Variants in FOXH1 observed in about 807,000 individuals in gnomAD.
The protein encoded by FOXH1 is forkhead box H1.
FOXH1 carries 10 observed loss-of-function variants against 14.2 expected under a neutral mutation model. The observed-to-expected ratio is 0.70, with a 90% CI of 0.43 to 1.19. The LOEUF (loss-of-function observed/expected upper bound fraction) is 1.19. Ranked by LOEUF, FOXH1 falls within the 50% of genes most tolerant of loss-of-function variation. The pLI, the probability that FOXH1 is intolerant of heterozygous loss-of-function variation, is 0.00. For missense variants in FOXH1, 643 were observed against 492.1 expected, an observed-to-expected ratio of 1.31 and a Z score of -2.90; for synonymous variants, 273 against 209.5, an observed-to-expected ratio of 1.30 and a Z score of -2.62.
Position 144,473,893 on chromosome 8 carries a change from C to G in FOXH1, c.*345G>C. On this transcript the variant is annotated 3_prime_UTR_variant, in exon 3 of 3. Coordinates refer to ENST00000377317, the MANE Select transcript of FOXH1 (RefSeq NM_003923.3). ...GGCTGGATCCACCACTGGGCTCTCC[C>G]TCCCCCAGCCTGGAGCACGGGAGGG... 1 of 420,204 alleles carries G rather than the reference C, an allele frequency of 2.4e-6. No homozygotes were observed. 26.0% of individuals were successfully genotyped at this position (420,204 alleles called of 1,614,324 possible).
Position 144,474,764 on chromosome 8 carries a change from G to A in FOXH1, c.572C>T (p.Pro191Leu), listed in dbSNP as rs1270394786. ...PWPGLAPQSS[P>L]VPAGTGNSGE... ...ACTGTTCCCTGTGCCTGCAGGAACTGGGCTGCTCTGTGGAGCTAGCCCCGG... is the reference window on the plus strand; with the variant it reads ...ACTGTTCCCTGTGCCTGCAGGAACTAGGCTGCTCTGTGGAGCTAGCCCCGG... The change falls in exon 3 of 3, where the codon CCA (proline) becomes CTA (leucine). Residue 191 changes from proline (P) to leucine (L), a missense_variant. Pro to Leu is a moderately conservative substitution (Grantham distance 98). Transcript: ENST00000377317. The A allele has an allele frequency of 4.4e-6, 7 of 1,589,132 alleles. No homozygotes were observed. The Admixed American group carries it at 1.2e-4, about 28-fold the overall frequency.
Position 144,474,163 on chromosome 8 carries a change from C to G in FOXH1, c.*75G>C, listed in dbSNP as rs1586727025. ...TCGAGGCTGCTGTGGTCGCAGACAG[C>G]CGCCTCGCCTTGGCTCCCTGTCAAC... On this transcript the variant is annotated 3_prime_UTR_variant, in exon 3 of 3. Transcript: ENST00000377317. The G allele has an allele frequency of 8.3e-7, 1 of 1,197,752 alleles. No individual in the cohort carries two copies. The highest frequency in any genetic ancestry group is 2.5e-5 in the East Asian group (1 of 39,868). The allele number at this position is 1,197,752 out of a possible 1,614,324, so 74.2% of individuals were successfully genotyped here. A position where few individuals can be genotyped will look rare whatever the true frequency, so the allele number is the denominator to read the frequency against.
rs1049987318 is a variant in FOXH1, at chr8:144,474,840, C to T, written c.496G>A (p.Gly166Ser). 2.5e-6 allele frequency: 4 copies of T among 1,611,802 alleles called. No homozygotes were observed. The highest frequency in any genetic ancestry group is 2.7e-5 in the African/African-American group (2 of 74,930). Residue 166 changes from glycine (G) to serine (S), a missense_variant, in exon 3 of 3, where the codon GGC (glycine) becomes AGC (serine). Transcript: ENST00000377317. The stretch of plus-strand genomic sequence containing the variant: ...CCTAGCAGGGACTTGATGCTGAAGC[C>T]CTCACTGGGTGGTGGCGGGGGACTG... The part of the protein sequence containing the change: ...PPSPPPPPSE[G>S]FSIKSLLGGS...
chr8:144,474,261 G>A lies in FOXH1; in HGVS notation c.1075C>T (p.Leu359=). ...CCTCACAGGCTGCACCAGGAGAGCA[G>A]CCAGCCTGGGCCAGGGGCCGCCAGG... ...RDLAAPGPGW[L]LSWCSL Residue 359 remains leucine (L), a synonymous_variant, in exon 3 of 3, where the codon CTG becomes TTG. Transcript: ENST00000377317. The A allele has an allele frequency of 6.3e-7, 1 of 1,587,818 alleles. No homozygotes were observed. Among genetic ancestry groups the A allele is most frequent in the African/African-American group, 1.3e-5 (1 of 74,494 alleles).
At position 144,475,500 on chromosome 8, in the gene FOXH1, G is replaced by A. The variant is rs1010765690; in HGVS notation, c.174+83C>T. 50 of 1,138,530 alleles carry A rather than the reference G, an allele frequency of 4.4e-5. No homozygotes were observed. The East Asian group carries it at 1.3e-3, about 29-fold the overall frequency. The allele number at this position is 1,138,530 out of a possible 1,614,324, so 70.5% of individuals were successfully genotyped here. A position where few individuals can be genotyped will look rare whatever the true frequency, so the allele number is the denominator to read the frequency against. On this transcript the variant is annotated intron_variant, in intron 1 of 2. Transcript: ENST00000377317. ...CTGGCATACCTGGGTGGGCTAGGAAGGGGTGGGGGTCAGGGCTTGAACCTG... is the reference window on the plus strand; with the variant it reads ...CTGGCATACCTGGGTGGGCTAGGAAAGGGTGGGGGTCAGGGCTTGAACCTG...
At position 144,474,896 on chromosome 8, in the gene FOXH1, T is replaced by G; in HGVS notation, c.440A>C (p.Tyr147Ser). Residue 147 changes from tyrosine (Y) to serine (S), a missense_variant, in exon 3 of 3, where the codon TAC becomes TCC. By Grantham distance (144) the Tyr-to-Ser change is moderately radical. Coordinates refer to ENST00000377317, the MANE Select transcript of FOXH1 (RefSeq NM_003923.3). ...RGAFAKDLGPYVLHGRPYRPP... is the reference protein window; with the variant it reads ...RGAFAKDLGPSVLHGRPYRPP... The stretch of plus-strand genomic sequence containing the variant: ...CCGGTATGGCCGGCCGTGCAGCACG[T>G]AGGGGCCCAGGTCCTTGGCGAAGGC... 6.2e-7 allele frequency: 1 copy of G among 1,610,346 alleles called. No individual in the cohort carries two copies. Among genetic ancestry groups the G allele is most frequent in the South Asian group, 1.1e-5 (1 of 90,984 alleles).
rs1200282408 is a variant in FOXH1 at position 144,474,041 on chromosome 8, C to G, written c.*197G>C. On this transcript the variant is annotated 3_prime_UTR_variant, in exon 3 of 3. Transcript: ENST00000377317. Reference sequence around the variant, plus strand: ...CTGAGTGTAGGAAAAACAGGCATGACAGACCAGGGTGAGGGTTGTGCCCAG... The same window carrying G: ...CTGAGTGTAGGAAAAACAGGCATGAGAGACCAGGGTGAGGGTTGTGCCCAG... The G allele has an allele frequency of 1.2e-5, 7 of 589,816 alleles. No individual in the cohort carries two copies. The highest frequency in any genetic ancestry group is 1.8e-5 in the Non-Finnish European group (6 of 333,516). The allele number at this position is 589,816 out of a possible 1,614,324, so 36.5% of individuals were successfully genotyped here. A position where few individuals can be genotyped will look rare whatever the true frequency, so the allele number is the denominator to read the frequency against.
In FOXH1 at chr8:144,473,732, T is replaced by G; in HGVS notation, c.*506A>C. The stretch of plus-strand genomic sequence containing the variant: ...CCTGACCCAAAAATCAGGCATGGCA[T>G]TAAAACGTTGCAAATTCCTTTACTG... On this transcript the variant is annotated 3_prime_UTR_variant, in exon 3 of 3. Transcript: ENST00000377317. The G allele has an allele frequency of 2.3e-6, 1 of 441,682 alleles. No homozygotes were observed. The highest frequency in any genetic ancestry group is 3.8e-5 in the East Asian group (1 of 26,056). The allele number at this position is 441,682 out of a possible 1,614,324, so 27.4% of individuals were successfully genotyped here.
At position 144,475,166 on chromosome 8, in the gene FOXH1, G is replaced by A. The variant is rs780480390; in HGVS notation, c.270C>T (p.Cys90=). 3.7e-6 allele frequency: 6 copies of A among 1,613,310 alleles called. No individual in the cohort carries two copies. The African/African-American group carries it at 4.0e-5, about 11-fold the overall frequency. The stretch of plus-strand genomic sequence containing the variant: ...CCCTGGCCTGCCCCACCTTGCGGAA[G>A]CATCGGTTGGAGGAAAGGTTGTGGC... ...SIRHNLSSNR[C]FRKVPKDPAK... is the part of the protein sequence containing the mutation. The change falls in exon 2 of 3, where the codon TGC becomes TGT. Residue 90 remains cysteine (C), a synonymous_variant. Transcript: ENST00000377317.
Position 144,474,150 on chromosome 8 carries a change from T to C in FOXH1, c.*88A>G, listed in dbSNP as rs1024459830. On this transcript the variant is annotated 3_prime_UTR_variant, in exon 3 of 3. Transcript: ENST00000377317. Reference sequence around the variant, plus strand: ...GCTGCCTGGTGTTTCGAGGCTGCTGTGGTCGCAGACAGCCGCCTCGCCTTG... The same window carrying C: ...GCTGCCTGGTGTTTCGAGGCTGCTGCGGTCGCAGACAGCCGCCTCGCCTTG... 1.3e-4 allele frequency: 134 copies of C among 1,027,104 alleles called. No homozygotes were observed. Among genetic ancestry groups the C allele is most frequent in the Non-Finnish European group, 1.8e-4 (126 of 715,698 alleles). The allele number at this position is 1,027,104 out of a possible 1,614,324, so 63.6% of individuals were successfully genotyped here.
Position 144,474,663 on chromosome 8 carries a change from G to A in FOXH1, c.673C>T (p.Pro225Ser), listed in dbSNP as rs774234990. 2 of 1,551,668 alleles carry A rather than the reference G, an allele frequency of 1.3e-6. No individual in the cohort carries two copies. Among genetic ancestry groups the A allele is most frequent in the East Asian group, 2.3e-5 (1 of 43,382 alleles). ...ACAGTCTCCCCCTCCACTCTCGTGGGGCCAGGAAGGGGGCAGAGGGGCCAC... is the reference window on the plus strand; with the variant it reads ...ACAGTCTCCCCCTCCACTCTCGTGGAGCCAGGAAGGGGGCAGAGGGGCCAC... ...PLWPLCPLPGPTRVEGETVQG... is the reference protein window; with the variant it reads ...PLWPLCPLPGSTRVEGETVQG... Residue 225 changes from proline to serine, a missense_variant, in exon 3 of 3, where the codon CCC (proline) becomes TCC (serine). Transcript: ENST00000377317.
In FOXH1 at chr8:144,475,204, T is replaced by G. The variant is rs143221196; in HGVS notation, c.232A>C (p.Lys78Gln). The change falls in exon 2 of 3, where the codon AAA becomes CAA. Residue 78 changes from lysine (K) to glutamine (Q), a missense_variant. Coordinates refer to ENST00000377317, the MANE Select transcript of FOXH1 (RefSeq NM_003923.3). ...PFFREDYEGW[K>Q]DSIRHNLSSN... is the part of the protein sequence containing the mutation. Reference sequence around the variant, plus strand: ...GAAAGGTTGTGGCGAATGGAGTCTTTCCAGCCCTCGTAGTCTTCCCTGAAG... The same window carrying G: ...GAAAGGTTGTGGCGAATGGAGTCTTGCCAGCCCTCGTAGTCTTCCCTGAAG... 6.2e-7 allele frequency: 1 copy of G among 1,613,614 alleles called. No homozygotes were observed. Among genetic ancestry groups the G allele is most frequent in the South Asian group, 1.1e-5 (1 of 91,074 alleles).
In FOXH1 at chr8:144,475,061, G is replaced by T. The variant is rs552607610; in HGVS notation, c.280-5C>A. 1.2e-6 allele frequency: 2 copies of T among 1,600,608 alleles called. No individual in the cohort carries two copies. The highest frequency in any genetic ancestry group is 1.3e-5 in the African/African-American group (1 of 74,816). On this transcript the variant is annotated splice_polypyrimidine_tract_variant and splice_region_variant and intron_variant, in intron 2 of 2. Coordinates refer to ENST00000377317, the MANE Select transcript of FOXH1 (RefSeq NM_003923.3). ...CTTTGCAGGGTCCTTGGGCACCTGG[G>T]TGTGGGGGTCAGACATGGGTGGGGC...
intron 1 of FOXH1, 70 bp from the exon 2 acceptor site, chr8:144,475,331 C>G: frequency 7.5e-7 from 1 of 1,325,062 alleles, no homozygotes; most frequent in Non-Finnish European, 1.1e-6. Flanking sequence ...TACCCCTCCC[C>G]CACTACCGGG....
Position 144,474,215 on chromosome 8 carries a change from G to T in FOXH1, c.*23C>A. ...AGGTGGGGGTGGGAGCGGGAGGGAG[G>T]AGTGGCCCCTGTCTTAAGAGCCTCA... is the stretch of plus-strand genomic sequence containing the variant. On this transcript the variant is annotated 3_prime_UTR_variant, in exon 3 of 3. Transcript: ENST00000377317. The T allele has an allele frequency of 6.6e-7, 1 of 1,517,750 alleles. No homozygotes were observed. Among genetic ancestry groups the T allele is most frequent in the South Asian group, 1.3e-5 (1 of 77,290 alleles). The allele number at this position is 1,517,750 out of a possible 1,614,324, so 94.0% of individuals were successfully genotyped here. A position where few individuals can be genotyped will look rare whatever the true frequency, so the allele number is the denominator to read the frequency against.
chr8:144,475,126 G>A (rs1294260182), intron 2 of FOXH1, 31 bp downstream of exon 2: 20 of 1,608,876 alleles, frequency 1.2e-5, no homozygotes, highest in Non-Finnish European at 1.7e-5. Context: ...CGCGCGCTCC[G>A]CCCCCGGGCT....
rs926270610 is a variant in FOXH1 at position 144,474,845 on chromosome 8, C to G, written c.491G>C (p.Ser164Thr). 2 of 1,611,934 alleles carry G rather than the reference C, an allele frequency of 1.2e-6. No individual in the cohort carries two copies. The highest frequency in any genetic ancestry group is 8.5e-7 in the Non-Finnish European group (1 of 1,179,726). ...CAGGGACTTGATGCTGAAGCCCTCACTGGGTGGTGGCGGGGGACTGGGCGG... is the reference window on the plus strand; with the variant it reads ...CAGGGACTTGATGCTGAAGCCCTCAGTGGGTGGTGGCGGGGGACTGGGCGG... ...YRPPSPPPPP[S>T]EGFSIKSLLG... The change falls in exon 3 of 3, where the codon AGT becomes ACT. Residue 164 changes from serine to threonine, a missense_variant. Coordinates refer to ENST00000377317, the MANE Select transcript of FOXH1 (RefSeq NM_003923.3).
At position 144,474,051 on chromosome 8, in the gene FOXH1, T is replaced by G. The variant is rs1299952520; in HGVS notation, c.*187A>C. The G allele has an allele frequency of 5.1e-6, 3 of 593,318 alleles. No individual in the cohort carries two copies. The highest frequency in any genetic ancestry group is 3.7e-5 in the African/African-American group (2 of 53,738). 36.8% of individuals were successfully genotyped at this position (593,318 alleles called of 1,614,324 possible). A position where few individuals can be genotyped will look rare whatever the true frequency, so the allele number is the denominator to read the frequency against. ...GAAAAACAGGCATGACAGACCAGGG[T>G]GAGGGTTGTGCCCAGCTGGGCCACG... On this transcript the variant is annotated 3_prime_UTR_variant, in exon 3 of 3. Transcript: ENST00000377317.
chr8:144,475,833 G>T lies in FOXH1; in HGVS notation c.-77C>A. 1 of 1,050,612 alleles carries T rather than the reference G, an allele frequency of 9.5e-7. No homozygotes were observed. Among genetic ancestry groups the T allele is most frequent in the Non-Finnish European group, 1.2e-6 (1 of 817,690 alleles). The allele number at this position is 1,050,612 out of a possible 1,614,324, so 65.1% of individuals were successfully genotyped here. A position where few individuals can be genotyped will look rare whatever the true frequency, so the allele number is the denominator to read the frequency against. On this transcript the variant is annotated 5_prime_UTR_variant, in exon 1 of 3. Coordinates refer to ENST00000377317, the MANE Select transcript of FOXH1 (RefSeq NM_003923.3). Reference sequence around the variant, plus strand: ...GCGGTGGGGCAGTGTAGAAGGCAGGGCCGGGACCTGAGGCCGGGCTGGGGC... The same window carrying T: ...GCGGTGGGGCAGTGTAGAAGGCAGGTCCGGGACCTGAGGCCGGGCTGGGGC...
Sources: allele counts gnomAD v4.1 joint callset, GRCh38; gene constraint gnomAD v4.1.1; transcripts MANE v1.5; gene names NCBI Gene and HGNC (gene_info 2026-07-23, HGNC 2026-07-21).